Variants in HS3ST5 observed in about 807,000 individuals in gnomAD.
HS3ST5 encodes heparan sulfate-glucosamine 3-sulfotransferase 5.
A neutral mutation model predicts 25.4 loss-of-function variants in HS3ST5; 10 were observed. The ratio of observed to expected loss-of-function variants is 0.39; its 90% CI spans 0.24 to 0.67. The LOEUF (loss-of-function observed/expected upper bound fraction) is 0.67. Among genes scored for constraint, HS3ST5 ranks in the 30% least tolerant of loss-of-function variants. The probability of loss-of-function intolerance (pLI) is 0.44; values close to 1 mark genes in which losing one functional copy is unlikely to be tolerated. For missense variants in HS3ST5, 324 were observed against 420.7 expected (o/e 0.77, Z 2.01); for synonymous variants, 170 against 162.4 (o/e 1.05, Z -0.36).
At chr6:114,207,263 T>C (rs1296913751) in intron 2 of HS3ST5, among the ~76,000 whole-genome samples, 1 of 152,154 alleles carries the variant, frequency 6.6e-6, no homozygotes, top group East Asian at 1.9e-4. Flanking sequence ...TTAGTATTAT[T>C]GCTTCCTTCC....
intron 1 of HS3ST5, among the ~76,000 whole-genome samples, chr6:114,280,189 G>C (rs1236307848): frequency 2.6e-5 from 4 of 151,886 alleles, no homozygotes; most frequent in African/African-American, 9.7e-5. Flanking sequence ...TCCAGGCAGA[G>C]GGAAAGAAAA....
intron 3 of HS3ST5, among the ~76,000 whole-genome samples, chr6:114,142,551 A>T (rs1777962409): frequency 6.6e-6 from 1 of 152,188 alleles, no homozygotes; most frequent in Admixed American, 6.5e-5. Flanking sequence ...ACAGAATTTA[A>T]ATGTGATAAT....
At chr6:114,282,294 C>T (rs571083385) in intron 1 of HS3ST5, among the ~76,000 whole-genome samples, 1 of 152,112 alleles carries the variant, frequency 6.6e-6, no homozygotes, top group Non-Finnish European at 1.5e-5. Context: ...TTTGAACTCA[C>T]TATTCCTTTT....
intron 3 of HS3ST5, among the ~76,000 whole-genome samples, chr6:114,077,505 A>G (rs7772117): frequency 0.34 from 51,085 of 151,980 alleles, 8,761 homozygotes; most frequent in Non-Finnish European, 0.37. Flanking sequence ...GCATTTATAT[A>G]GAAAAGTGTG....
intron 1 of HS3ST5, chr6:114,340,851 A>C (rs1001470592): frequency 3.3e-5 from 5 of 152,154 alleles, no homozygotes; most frequent in African/African-American, 7.2e-5. Flanking sequence ...AAAGCTCTGA[A>C]ATATGTAGAA....
intron 3 of HS3ST5, among the ~76,000 whole-genome samples, chr6:114,093,353 TTGTGTGTGTGTGTGTG>T (rs60927880): frequency 3.3e-4 from 44 of 134,328 alleles, no homozygotes; most frequent in African/African-American, 6.2e-4. Flanking sequence ...GTTTGTTTGT[TTGTGTGTGTGTGTGTG>T]TGTGTGTGTG....
chr6:114,190,381 T>C (rs1780442693), intron 2 of HS3ST5, among the ~76,000 whole-genome samples: 1 of 152,188 alleles, frequency 6.6e-6, no homozygotes, highest in African/African-American at 2.4e-5. Flanking sequence ...TTCTGGGGTT[T>C]CCAAAAATTC....
intron 1 of HS3ST5, among the ~76,000 whole-genome samples, chr6:114,269,709 G>A (rs932267075): frequency 3.3e-5 from 5 of 152,126 alleles, no homozygotes; most frequent in Non-Finnish European, 5.9e-5. Flanking sequence ...GCTGTTTGGC[G>A]GCTGCCCATA....
At chr6:114,265,481 G>A (rs1773366052) in intron 1 of HS3ST5, among the ~76,000 whole-genome samples, 1 of 152,148 alleles carries the variant, frequency 6.6e-6, no homozygotes. Flanking sequence ...CGTAGTGGCT[G>A]GAGGGAGAGC....
intron 1 of HS3ST5, among the ~76,000 whole-genome samples, chr6:114,326,646 TA>T (rs1776187925): frequency 6.6e-6 from 1 of 152,184 alleles, no homozygotes; most frequent in African/African-American, 2.4e-5. Flanking sequence ...TCAGTGATCA[TA>T]ATACTTCTTT....
At chr6:114,083,804 G>A (rs951794552) in intron 3 of HS3ST5, among the ~76,000 whole-genome samples, 2 of 151,978 alleles carry the variant, frequency 1.3e-5, no homozygotes, top group African/African-American at 2.4e-5. Flanking sequence ...TATTATCTCC[G>A]CCTGAAACTC....
At chr6:114,196,318 C>A (rs1780752615) in intron 2 of HS3ST5, among the ~76,000 whole-genome samples, 1 of 152,040 alleles carries the variant, frequency 6.6e-6, no homozygotes, top group Admixed American at 6.6e-5. Flanking sequence ...TGTAGCTTTG[C>A]CAGTTTGTTC....
At chr6:114,073,378 T>G (rs1213450954) in intron 3 of HS3ST5, among the ~76,000 whole-genome samples, 2 of 152,168 alleles carry the variant, frequency 1.3e-5, no homozygotes, top group African/African-American at 4.8e-5. Context: ...GAGAAAATTT[T>G]TGCAATGTAT....
At chr6:114,083,116 G>A (rs895910150) in intron 3 of HS3ST5, among the ~76,000 whole-genome samples, 5 of 152,294 alleles carry the variant, frequency 3.3e-5, no homozygotes, top group South Asian at 2.1e-4. Context: ...AACTGAGCTC[G>A]ACTCCAACTG....
At chr6:114,139,178 C>G (rs1777780873) in intron 3 of HS3ST5, among the ~76,000 whole-genome samples, 2 of 152,136 alleles carry the variant, frequency 1.3e-5, no homozygotes, top group African/African-American at 4.8e-5. Flanking sequence ...TTATATTGTT[C>G]TCACTGCAGT....
chr6:114,185,176 G>C (rs1042223998), intron 2 of HS3ST5, among the ~76,000 whole-genome samples: 1 of 152,130 alleles, frequency 6.6e-6, no homozygotes, highest in African/African-American at 2.4e-5. Context: ...GAGTTTTGAG[G>C]GGAAAAGGGT....
At chr6:114,299,345 G>A (rs1175252094) in intron 1 of HS3ST5, among the ~76,000 whole-genome samples, 1 of 152,140 alleles carries the variant, frequency 6.6e-6, no homozygotes, top group Admixed American at 6.5e-5. Flanking sequence ...AATGGTGCCC[G>A]AAACTTCATT....
chr6:114,167,508 C>A (rs996936204), intron 3 of HS3ST5: 2 of 152,110 alleles, frequency 1.3e-5, no homozygotes, highest in African/African-American at 4.8e-5. Context: ...GATATTAAGG[C>A]ATAACAGTTT....
intron 1 of HS3ST5, among the ~76,000 whole-genome samples, chr6:114,291,334 T>C (rs1774569654): frequency 6.6e-6 from 1 of 152,222 alleles, no homozygotes; most frequent in African/African-American, 2.4e-5. Flanking sequence ...AACAGTAATG[T>C]AGCACACCTA....
Sources: allele counts gnomAD v4.1 joint callset (sites outside exome capture counted in the v4.1 genomes callset), GRCh38; gene constraint gnomAD v4.1.1; transcripts MANE v1.5; gene names NCBI Gene and HGNC (gene_info 2026-07-23, HGNC 2026-07-21).